The following CYSLTR2 variants were observed in gnomAD, a reference collection of about 807,000 sequenced individuals.
The protein encoded by CYSLTR2 is cysteinyl leukotriene receptor 2, also known as G-protein coupled receptor GPCR21.
For synonymous variants in CYSLTR2, 179 were observed against 160.8 expected (o/e 1.11, Z -0.86); for missense variants, 398 against 411.9 (o/e 0.97, Z 0.29).
chr13:48,663,787 A>T (rs1566081333), intron 1 of CYSLTR2, among the ~76,000 whole-genome samples: 2 of 152,058 alleles, frequency 1.3e-5, no homozygotes. Context: ...GAACAATTTG[A>T]CTTCTTTCTC....
At chr13:48,704,188 C>G (rs1041206458) in intron 4 of CYSLTR2, among the ~76,000 whole-genome samples, 2 of 152,044 alleles carry the variant, frequency 1.3e-5, no homozygotes, top group Non-Finnish European at 2.9e-5. Context: ...TTAATATATG[C>G]AAATTTTAAT....
intron 1 of CYSLTR2, among the ~76,000 whole-genome samples, chr13:48,668,452 C>T (rs1953326346): frequency 6.6e-6 from 1 of 151,998 alleles, no homozygotes; most frequent in Non-Finnish European, 1.5e-5. Flanking sequence ...CAGGTCTTGG[C>T]TACCTGGTCT....
chr13:48,669,231 G>A (rs758455866), intron 1 of CYSLTR2, among the ~76,000 whole-genome samples: 1 of 151,724 alleles, frequency 6.6e-6, no homozygotes, highest in Non-Finnish European at 1.5e-5. Flanking sequence ...CACCAACAGT[G>A]TAAGAGCATT....
chr13:48,676,315 A>G (rs969241428), intron 1 of CYSLTR2, among the ~76,000 whole-genome samples: 8 of 152,160 alleles, frequency 5.3e-5, no homozygotes, highest in African/African-American at 1.9e-4. Flanking sequence ...GTGGAAAGTC[A>G]TATTTGTGGT....
chr13:48,671,654 T>A (rs1953434341), intron 1 of CYSLTR2, among the ~76,000 whole-genome samples: 1 of 152,248 alleles, frequency 6.6e-6, no homozygotes, highest in African/African-American at 2.4e-5. Context: ...ATAAGCTTTT[T>A]AATGTGCTGC....
chr13:48,702,144 G>A (rs1452259233), intron 4 of CYSLTR2, among the ~76,000 whole-genome samples: 1 of 151,712 alleles, frequency 6.6e-6, no homozygotes, highest in Non-Finnish European at 1.5e-5. Flanking sequence ...ATCATTCTGA[G>A]CAAACTATCG....
chr13:48,701,722 C>CA (rs1369331583), intron 4 of CYSLTR2, among the ~76,000 whole-genome samples: 1 of 152,194 alleles, frequency 6.6e-6, no homozygotes, highest in Non-Finnish European at 1.5e-5. Context: ...TACCATCTCA[C>CA]ACCAGTTAGA....
chr13:48,661,962 A>G (rs1566080353), intron 1 of CYSLTR2, among the ~76,000 whole-genome samples: 1 of 152,102 alleles, frequency 6.6e-6, no homozygotes, highest in Non-Finnish European at 1.5e-5. Flanking sequence ...CCTCTCATCT[A>G]GTGGTAATTT....
rs113502195 is a variant in CYSLTR2 at position 48,673,909 on chromosome 13, G to A, written c.-265-17303G>A. Among the ~76,000 whole-genome samples, 835 of 152,204 alleles carry A rather than the reference G, an allele frequency of 5.5e-3. 8 individuals are homozygous for A. The highest frequency in any genetic ancestry group is 0.019 in the African/African-American group (792 of 41,520). On this transcript the variant is annotated intron_variant, in intron 1 of 4. Transcript: ENST00000682523. ...TTATTTTAGCAGGACGTGAAATTCC[G>A]GGTTGAAAATTCTTTTCTTTAAGAA...
At chr13:48,676,621 A>G (rs1298283936) in intron 1 of CYSLTR2, among the ~76,000 whole-genome samples, 1 of 152,216 alleles carries the variant, frequency 6.6e-6, no homozygotes, top group Non-Finnish European at 1.5e-5. Flanking sequence ...AAACTTCCCA[A>G]TAGTGGTTAC....
At chr13:48,671,858 G>A (rs1243761669) in intron 1 of CYSLTR2, among the ~76,000 whole-genome samples, 1 of 151,730 alleles carries the variant, frequency 6.6e-6, no homozygotes, top group Non-Finnish European at 1.5e-5. Flanking sequence ...TATGGTACCA[G>A]CTCCTCTTTG....
At chr13:48,668,584 T>C (rs1953330698) in intron 1 of CYSLTR2, among the ~76,000 whole-genome samples, 1 of 152,134 alleles carries the variant, frequency 6.6e-6, no homozygotes, top group South Asian at 2.1e-4. Flanking sequence ...GGCATCATTA[T>C]CCTCATTTTA....
chr13:48,662,641 C>T (rs148949121), intron 1 of CYSLTR2, among the ~76,000 whole-genome samples: 79 of 152,180 alleles, frequency 5.2e-4, no homozygotes, highest in African/African-American at 1.9e-3. Flanking sequence ...TACCTGTTGA[C>T]CATTTGAATG....
At chr13:48,656,291 T>C (rs1369480175) in intron 1 of CYSLTR2, among the ~76,000 whole-genome samples, 2 of 152,212 alleles carry the variant, frequency 1.3e-5, no homozygotes, top group Non-Finnish European at 2.9e-5. Context: ...TAAAGAAGGC[T>C]CCTGTTTAAT....
At chr13:48,658,466 G>A (rs544525599) in intron 1 of CYSLTR2, among the ~76,000 whole-genome samples, 1 of 152,270 alleles carries the variant, frequency 6.6e-6, no homozygotes, top group African/African-American at 2.4e-5. Context: ...GCACATTCAT[G>A]TGCTTCACGC....
chr13:48,660,554 T>G (rs1455179776), intron 1 of CYSLTR2, among the ~76,000 whole-genome samples: 5 of 152,170 alleles, frequency 3.3e-5, no homozygotes, highest in African/African-American at 9.7e-5. Context: ...GTGAGATTCA[T>G]TCCCCTCCAT....
At chr13:48,673,264 A>G (rs1953493196) in intron 1 of CYSLTR2, among the ~76,000 whole-genome samples, 1 of 152,038 alleles carries the variant, frequency 6.6e-6, no homozygotes, top group Non-Finnish European at 1.5e-5. Context: ...GCCTCTAAGA[A>G]CTTGCTTTAT....
chr13:48,686,422 A>G (rs1314028406), intron 1 of CYSLTR2, among the ~76,000 whole-genome samples: 1 of 152,146 alleles, frequency 6.6e-6, no homozygotes, highest in Admixed American at 6.6e-5. Context: ...TACATATATT[A>G]TAAGATTTGT....
intron 1 of CYSLTR2, among the ~76,000 whole-genome samples, chr13:48,685,710 C>T (rs1953878960): frequency 6.6e-6 from 1 of 152,060 alleles, no homozygotes; most frequent in Non-Finnish European, 1.5e-5. Context: ...GTGATAGTTC[C>T]CTTTCTCTTC....
Sources: allele counts gnomAD v4.1 joint callset (sites outside exome capture counted in the v4.1 genomes callset), GRCh38; gene constraint gnomAD v4.1.1; transcripts MANE v1.5; gene names NCBI Gene and HGNC (gene_info 2026-07-23, HGNC 2026-07-21).